WDFY3: variants seen among roughly 807,000 people sequenced by gnomAD.
WDFY3 encodes the protein WD repeat and FYVE domain containing 3, also known as WD repeat and FYVE domain-containing protein 3.
Under a neutral mutation model 409.6 loss-of-function variants are expected in WDFY3, and 66 were observed. That is an observed-to-expected ratio of 0.16 (90% CI 0.13 to 0.20). The LOEUF (loss-of-function observed/expected upper bound fraction) is 0.20. Ranked by LOEUF, WDFY3 falls within the 10% of genes least tolerant of loss-of-function variation. The probability of loss-of-function intolerance (pLI) is 1.00; values close to 1 mark genes in which losing one functional copy is unlikely to be tolerated. For missense variants in WDFY3, 3,031 were observed against 4,298.1 expected, an observed-to-expected ratio of 0.71 and a Z score of 8.24; for synonymous variants, 1,521 against 1,537.1, an observed-to-expected ratio of 0.99 and a Z score of 0.25.
intron 1 of WDFY3, among the ~76,000 whole-genome samples, chr4:84,953,116 G>A (rs1773811212): frequency 6.6e-6 from 1 of 151,752 alleles, no homozygotes; most frequent in African/African-American, 2.4e-5. Flanking sequence ...AAAAAGAAGG[G>A]GATCTTGTCA....
chr4:84,710,219 C>T (rs1437348656), intron 51 of WDFY3, among the ~76,000 whole-genome samples: 2 of 152,098 alleles, frequency 1.3e-5, no homozygotes. Context: ...ACTAAGTAAA[C>T]AGATCCAAGC....
chr4:84,791,297 C>T (rs1406405532), intron 21 of WDFY3, among the ~76,000 whole-genome samples: 1 of 152,076 alleles, frequency 6.6e-6, no homozygotes, highest in African/African-American at 2.4e-5. Flanking sequence ...AATAGCCAGT[C>T]ATAGAAAGAC....
chr4:84,820,973 G>T, intron 11 of WDFY3, 111 bp downstream of exon 11: 2 of 1,058,422 alleles, frequency 1.9e-6, no homozygotes, highest in Non-Finnish European at 2.7e-6. Context: ...TCACAATAAT[G>T]CACATTAGGA....
chr4:84,841,297 GA>G, intron 5 of WDFY3, 34 bp from the exon 6 acceptor site: 1 of 1,573,510 alleles, frequency 6.4e-7, no homozygotes. Flanking sequence ...TTAAGTGGGG[GA>G]AAAGTCACAT....
At chr4:84,953,333 GTA>G (rs1459212311) in intron 1 of WDFY3, among the ~76,000 whole-genome samples, 1 of 151,886 alleles carries the variant, frequency 6.6e-6, no homozygotes, top group African/African-American at 2.4e-5. Context: ...ATACAAAATA[GTA>G]TATATGCAGG....
chr4:84,722,157 G>A (rs1734956064), intron 46 of WDFY3, among the ~76,000 whole-genome samples: 1 of 152,124 alleles, frequency 6.6e-6, no homozygotes, highest in African/African-American at 2.4e-5. Flanking sequence ...GGAGGCCAAG[G>A]GGAGCAGATC....
intron 61 of WDFY3, 28 bp downstream of exon 61, chr4:84,690,478 T>A (rs920538303): frequency 6.2e-7 from 1 of 1,613,876 alleles, no homozygotes; most frequent in Admixed American, 1.7e-5. Context: ...ACTATGTCCT[T>A]CTTGGCATTT....
At chr4:84,795,845 T>G (rs539471387) in intron 19 of WDFY3, among the ~76,000 whole-genome samples, 1 of 152,198 alleles carries the variant, frequency 6.6e-6, no homozygotes, top group African/African-American at 2.4e-5. Context: ...TTTTAGGCTG[T>G]TGAACTTCAT....
rs1423205087 is a variant in WDFY3 at position 84,759,928 on chromosome 4, T to C, written c.5189-2767A>G. Among the ~76,000 whole-genome samples, 5 of 150,586 alleles carry C rather than the reference T, an allele frequency of 3.3e-5. No individual in the cohort carries two copies. The South Asian group carries it at 8.4e-4, about 25-fold the overall frequency. ...CAGTTTTTGCCCATTCAGTATGATA[T>C]TGGCTGTGGGTTTGTCATAGATAGC... On this transcript the variant is annotated intron_variant, in intron 32 of 67. Transcript: ENST00000295888.
chr4:84,860,827 T>A (rs1168312868), intron 3 of WDFY3, among the ~76,000 whole-genome samples: 1 of 152,230 alleles, frequency 6.6e-6, no homozygotes, highest in Non-Finnish European at 1.5e-5. Flanking sequence ...CATTGGAAGT[T>A]CTTACTCACT....
At chr4:84,832,421 T>C (rs1336536071) in intron 7 of WDFY3, among the ~76,000 whole-genome samples, 1 of 152,082 alleles carries the variant, frequency 6.6e-6, no homozygotes, top group Non-Finnish European at 1.5e-5. Context: ...TATAGCACTA[T>C]AGAGTGAATA....
At chr4:84,896,019 A>G (rs1561026048) in intron 3 of WDFY3, among the ~76,000 whole-genome samples, 1 of 152,124 alleles carries the variant, frequency 6.6e-6, no homozygotes, top group Non-Finnish European at 1.5e-5. Flanking sequence ...GCACTTTGGG[A>G]GGCCGAGGGG....
intron 2 of WDFY3, among the ~76,000 whole-genome samples, chr4:84,927,843 G>A (rs192473858): frequency 6.6e-6 from 1 of 152,320 alleles, no homozygotes; most frequent in East Asian, 1.9e-4. Flanking sequence ...CCAGTCTCAG[G>A]TATTTTCTCA....
intron 3 of WDFY3, among the ~76,000 whole-genome samples, chr4:84,891,851 T>C (rs1182935968): frequency 6.6e-6 from 1 of 152,152 alleles, no homozygotes; most frequent in East Asian, 1.9e-4. Context: ...AAGTGGCAAC[T>C]GCATAATCTT....
intron 54 of WDFY3, among the ~76,000 whole-genome samples, chr4:84,704,980 A>G (rs925767023): frequency 2.3e-4 from 35 of 152,232 alleles, no homozygotes; most frequent in Non-Finnish European, 4.4e-4. Flanking sequence ...ATAAATAACA[A>G]GTAAACTATA....
chr4:84,800,168 C>T (rs1750262921), intron 17 of WDFY3, among the ~76,000 whole-genome samples: 1 of 152,200 alleles, frequency 6.6e-6, no homozygotes, highest in South Asian at 2.1e-4. Flanking sequence ...CCTGATACAA[C>T]ACCATTTAAC....
intron 2 of WDFY3, among the ~76,000 whole-genome samples, chr4:84,916,830 G>T (rs1455428835): frequency 6.6e-6 from 1 of 152,122 alleles, no homozygotes. Flanking sequence ...AAGCAAATTA[G>T]AATTTTTGAG....
At chr4:84,674,603 CTCA>C (rs1208694807) in intron 67 of WDFY3, among the ~76,000 whole-genome samples, 1 of 151,150 alleles carries the variant, frequency 6.6e-6, no homozygotes, top group Non-Finnish European at 1.5e-5. Flanking sequence ...GGTGCGGAGG[CTCA>C]TGACTGTAAT....
chr4:84,770,031 T>C (rs1744383904), intron 30 of WDFY3, among the ~76,000 whole-genome samples: 1 of 151,606 alleles, frequency 6.6e-6, no homozygotes, highest in Admixed American at 6.6e-5. Context: ...CTGAGTTATA[T>C]ACTTTTTTTT....
Sources: allele counts gnomAD v4.1 joint callset (sites outside exome capture counted in the v4.1 genomes callset), GRCh38; gene constraint gnomAD v4.1.1; transcripts MANE v1.5; gene names NCBI Gene and HGNC (gene_info 2026-07-23, HGNC 2026-07-21).